The following HABP2 variants were observed in gnomAD, a reference collection of about 807,000 sequenced individuals.
HABP2 encodes hyaluronan binding protein 2, also known as factor VII-activating protease.
A neutral mutation model predicts 66.5 loss-of-function variants in HABP2; 65 were observed. The ratio of observed to expected loss-of-function variants is 0.98; its 90% confidence interval spans 0.80 to 1.20. The LOEUF is 1.20. Ranked by LOEUF, HABP2 falls within the 50% of genes most tolerant of loss-of-function variation. The probability of loss-of-function intolerance (pLI) is 0.00; values close to 1 mark genes in which losing one functional copy is unlikely to be tolerated. For missense variants in HABP2, 786 were observed against 691.0 expected, an observed-to-expected ratio of 1.14 and a Z score of -1.54; for synonymous variants, 263 against 253.9, an observed-to-expected ratio of 1.04 and a Z score of -0.34.
At chr10:113,567,109 T>C (rs1055294267) in intron 1 of HABP2, among the ~76,000 whole-genome samples, 16 of 152,118 alleles carry the variant, frequency 1.1e-4, no homozygotes, top group African/African-American at 3.6e-4. Context: ...TGCAAGCCTC[T>C]TCATAGGGCT....
chr10:113,579,879 T>C (rs560407491), intron 7 of HABP2, among the ~76,000 whole-genome samples: 23 of 152,096 alleles, frequency 1.5e-4, no homozygotes, highest in African/African-American at 5.1e-4. Context: ...GCCTCTCAGG[T>C]TCAAGCAATT....
Position 113,588,499 on chromosome 10 carries a change from G to GACA in HABP2, c.*133_*135dup, listed in dbSNP as rs557988762. The GACA allele has an allele frequency of 1.5e-4, 97 of 647,492 alleles. No individual in the cohort carries two copies. The African/African-American group carries it at 1.7e-3, about 11-fold the overall frequency. 40.1% of individuals were successfully genotyped at this position (647,492 alleles called of 1,614,324 possible). The stretch of plus-strand genomic sequence containing the variant: ...GTAGACTATCCCTACTCTAAGCAGA[G>GACA]ACAACTGCCACCCAGCCTGGGCCTT... On this transcript the variant is annotated 3_prime_UTR_variant, in exon 13 of 13. Coordinates refer to ENST00000351270, the MANE Select transcript of HABP2 (RefSeq NM_004132.5).
At chr10:113,551,118 A>T (rs916880702), upstream of HABP2, among the ~76,000 whole-genome samples, 4 of 152,214 alleles carry the variant, frequency 2.6e-5, no homozygotes, top group Admixed American at 6.5e-5. Context: ...TCCAACTGTC[A>T]CATGGATAAA....
At chr10:113,554,191 A>G (rs958642727) in intron 1 of HABP2, among the ~76,000 whole-genome samples, 8 of 152,240 alleles carry the variant, frequency 5.3e-5, no homozygotes, top group African/African-American at 1.9e-4. Context: ...CTACTCCCTT[A>G]AAATGTCAAG....
intron 1 of HABP2, among the ~76,000 whole-genome samples, chr10:113,565,948 C>G (rs556206436): frequency 6.6e-6 from 1 of 152,296 alleles, no homozygotes; most frequent in Middle Eastern, 3.4e-3. Context: ...AGAGTACTAT[C>G]TGTTGATATT....
Position 113,589,116 on chromosome 10 carries a change from C to T in HABP2, c.*747C>T, listed in dbSNP as rs1564686082. The T allele has an allele frequency of 1.3e-6, 2 of 1,563,722 alleles. No individual in the cohort carries two copies. Among genetic ancestry groups the T allele is most frequent in the Admixed American group, 3.3e-5 (2 of 59,746 alleles). On this transcript the variant is annotated 3_prime_UTR_variant, in exon 13 of 13. Transcript: ENST00000351270. The stretch of plus-strand genomic sequence containing the variant: ...AAACATACCCCAAGTTAAAATGAAG[C>T]TCCCCCACCCCCACTCCCGGCCCCG...
rs547389457 is a variant in HABP2 at position 113,587,693 on chromosome 10, T to C, written c.1519-512T>C. Among the ~76,000 whole-genome samples, 10 of 152,326 alleles carry C rather than the reference T, an allele frequency of 6.6e-5. No individual in the cohort carries two copies. In the East Asian group the frequency reaches 1.9e-3, roughly 29 times the overall value. On this transcript the variant is annotated intron_variant, in intron 12 of 12. Coordinates refer to ENST00000351270, the MANE Select transcript of HABP2 (RefSeq NM_004132.5). ...TTAATATGAACCAGGCACTGTTCTA[T>C]ATACTTTACAAACAATCTTCACAAG... is the stretch of plus-strand genomic sequence containing the variant.
At position 113,578,696 on chromosome 10, in the gene HABP2, A is replaced by G; in HGVS notation, c.638A>G (p.His213Arg). 6.2e-7 allele frequency: 1 copy of G among 1,610,036 alleles called. No individual in the cohort carries two copies. The highest frequency in any genetic ancestry group is 8.5e-7 in the Non-Finnish European group (1 of 1,176,266). Reference protein sequence around the residue: ...RGKMNRTVNQHACLYWNSHLL... With the variant: ...RGKMNRTVNQRACLYWNSHLL... The stretch of plus-strand genomic sequence containing the variant: ...AAAATGAATAGGACAGTCAACCAGC[A>G]TGCGTGCCTTTACTGGAACTCCCAC... Residue 213 changes from histidine to arginine, a missense_variant, in exon 7 of 13, where the codon CAT (histidine) becomes CGT (arginine). Coordinates refer to ENST00000351270, the MANE Select transcript of HABP2 (RefSeq NM_004132.5).
intron 2 of HABP2, among the ~76,000 whole-genome samples, chr10:113,571,764 A>G (rs1202069794): frequency 2.0e-5 from 3 of 152,092 alleles, no homozygotes. Flanking sequence ...GCTGGCTTTC[A>G]TCCCCCACCC....
chr10:113,568,280 C>T (rs1456982068), intron 2 of HABP2, among the ~76,000 whole-genome samples: 2 of 152,210 alleles, frequency 1.3e-5, no homozygotes, highest in African/African-American at 2.4e-5. Flanking sequence ...GGCCAACAAC[C>T]CCACTGGTAG....
chr10:113,584,742 T>C (rs1174325158), intron 11 of HABP2, among the ~76,000 whole-genome samples: 4 of 152,208 alleles, frequency 2.6e-5, no homozygotes, highest in Admixed American at 2.6e-4. Context: ...ATTCATTAAG[T>C]CAGCCCTTAG....
intron 6 of HABP2, 29 bp downstream of exon 6, chr10:113,578,174 C>A (rs368377443): frequency 1.2e-6 from 2 of 1,611,358 alleles, no homozygotes; most frequent in African/African-American, 1.3e-5. Context: ...ATCAGGGCCA[C>A]AAGTGAGGCC....
Position 113,567,540 on chromosome 10 carries a change from C to T in HABP2, c.106+15C>T. ...CCTGGACCCAGGTAAGTGTGCTGAT[C>T]TCCCTGGGGCTTCCCACCAATCCCA... On this transcript the variant is annotated intron_variant, in intron 2 of 12. Transcript: ENST00000351270. The T allele has an allele frequency of 6.3e-7, 1 of 1,592,662 alleles. No individual in the cohort carries two copies. The highest frequency in any genetic ancestry group is 8.6e-7 in the Non-Finnish European group (1 of 1,160,472).
intron 1 of HABP2, among the ~76,000 whole-genome samples, chr10:113,566,031 A>G (rs1592686906): frequency 6.6e-6 from 1 of 152,300 alleles, no homozygotes; most frequent in East Asian, 1.9e-4. Context: ...TCATCTACCT[A>G]ATTCCCAAAA....
At chr10:113,569,271 C>A (rs778352918) in intron 2 of HABP2, among the ~76,000 whole-genome samples, 40 of 152,320 alleles carry the variant, frequency 2.6e-4, no homozygotes, top group Non-Finnish European at 3.8e-4. Context: ...GACCCTGAAG[C>A]AGACTTCTCC....
In HABP2 at chr10:113,589,586, TA is replaced by T; in HGVS notation, c.*1220del. 1 of 1,531,176 alleles carries T rather than the reference TA, an allele frequency of 6.5e-7. No individual in the cohort carries two copies. The allele number at this position is 1,531,176 out of a possible 1,614,324, so 94.8% of individuals were successfully genotyped here. ...GAGCTAGCTGACCTTTGGCCAAAAA[TA>T]AACTTTGAAAAGAAACAATGAGTTT... On this transcript the variant is annotated 3_prime_UTR_variant, in exon 13 of 13. Coordinates refer to ENST00000351270, the MANE Select transcript of HABP2 (RefSeq NM_004132.5).
chr10:113,566,914 G>C (rs1845207876), intron 1 of HABP2, among the ~76,000 whole-genome samples: 1 of 152,124 alleles, frequency 6.6e-6, no homozygotes, highest in African/African-American at 2.4e-5. Flanking sequence ...TGTAGGTCAT[G>C]GCAGGTGTTT....
chr10:113,557,487 C>T (rs867824639), intron 1 of HABP2, among the ~76,000 whole-genome samples: 4 of 152,120 alleles, frequency 2.6e-5, no homozygotes, highest in Admixed American at 2.0e-4. Context: ...AACAGCATGG[C>T]AGAATATTTG....
intron 12 of HABP2, among the ~76,000 whole-genome samples, chr10:113,587,326 A>C (rs1371218030): frequency 1.5e-5 from 2 of 131,720 alleles, no homozygotes; most frequent in East Asian, 2.1e-4. Context: ...CAAAAAAACA[A>C]AAACAAACAA....
Sources: allele counts gnomAD v4.1 joint callset (sites outside exome capture counted in the v4.1 genomes callset), GRCh38; gene constraint gnomAD v4.1.1; transcripts MANE v1.5; gene names NCBI Gene and HGNC (gene_info 2026-07-23, HGNC 2026-07-21).